The following PHACTR2 variants were observed in gnomAD, a reference collection of about 807,000 sequenced individuals.
PHACTR2 encodes chromosome 6 open reading frame 56.
Under a neutral mutation model 76.0 loss-of-function variants are expected in PHACTR2, and 30 were observed. The observed-to-expected ratio is 0.39, with a 90% CI of 0.30 to 0.54. The LOEUF is 0.54. PHACTR2 is among the 20% of genes least tolerant of loss of function. PHACTR2 has a pLI of 0.61. For synonymous variants in PHACTR2, 292 were observed against 292.5 expected (o/e 1.00, Z 0.02); for missense variants, 696 against 781.1 (o/e 0.89, Z 1.30).
chr6:143,632,939 TC>T (rs1347602253), intron 1 of PHACTR2, among the ~76,000 whole-genome samples: 1 of 152,216 alleles, frequency 6.6e-6, no homozygotes, highest in East Asian at 1.9e-4. Context: ...TCTTGATAGC[TC>T]ATTTCTTTTT....
intron 1 of PHACTR2, among the ~76,000 whole-genome samples, chr6:143,593,378 A>G (rs1335071057): frequency 6.6e-6 from 1 of 152,166 alleles, no homozygotes; most frequent in Admixed American, 6.5e-5. Flanking sequence ...TACTTTCTAG[A>G]AAAAAGGTAT....
rs1776200316 is a variant in PHACTR2 at position 143,623,636 on chromosome 6, C to T, written c.13+15314C>T. On this transcript the variant is annotated intron_variant, in intron 1 of 11. Coordinates refer to the PHACTR2 transcript ENST00000305766. This position sits in a 1 kb window ranked among gnomAD's most constrained non-coding sequence, Gnocchi z 5.9. ...AATGAGAGAGAAATAATTCTGAACT[C>T]TTGTTGAAAATCAGTTCATGGGAGT... 6.6e-6 allele frequency among the ~76,000 whole-genome samples: 1 copy of T among 152,068 alleles called. No homozygotes were observed. Among genetic ancestry groups the T allele is most frequent in the Admixed American group, 6.5e-5 (1 of 15,268 alleles).
intron 1 of PHACTR2, among the ~76,000 whole-genome samples, chr6:143,636,069 G>A (rs115474112): frequency 0.011 from 1,685 of 152,202 alleles, 24 homozygotes; most frequent in African/African-American, 0.038. Context: ...TAAAAAATTA[G>A]CCAGGCATGG....
chr6:143,670,663 A>T (rs1777137707), intron 1 of PHACTR2, among the ~76,000 whole-genome samples: 1 of 151,716 alleles, frequency 6.6e-6, no homozygotes, highest in Admixed American at 6.6e-5. Context: ...TATCTTCATG[A>T]AGTTCTTGTG....
intron 11 of PHACTR2, among the ~76,000 whole-genome samples, chr6:143,796,680 G>A (rs1775834785): frequency 6.6e-6 from 1 of 151,898 alleles, no homozygotes; most frequent in Non-Finnish European, 1.5e-5. Flanking sequence ...CTGATCTTGT[G>A]ATAGTTTGCT....
Position 143,659,488 on chromosome 6 carries a change from A to G in PHACTR2, c.13+51166A>G, listed in dbSNP as rs1776909597. 6.6e-6 allele frequency among the ~76,000 whole-genome samples: 1 copy of G among 152,194 alleles called. No homozygotes were observed. ...GCATGTGGTCACTGGGCAGCACGCC[A>G]TTCCTTGCAGAATGCCAGACTGAGG... is the stretch of plus-strand genomic sequence containing the variant. On this transcript the variant is annotated intron_variant, in intron 1 of 11. Coordinates refer to the PHACTR2 transcript ENST00000305766. The surrounding 1 kb of genome is among the most constrained non-coding windows in gnomAD (Gnocchi z 5.0).
In PHACTR2 at chr6:143,678,951, A is replaced by C; in HGVS notation, c.46+742A>C. Among the ~76,000 whole-genome samples, 1 of 152,140 alleles carries C rather than the reference A, an allele frequency of 6.6e-6. No homozygotes were observed. On this transcript the variant is annotated intron_variant, in intron 1 of 12. Coordinates refer to ENST00000440869, the MANE Select transcript of PHACTR2 (RefSeq NM_001100164.2). The surrounding 1 kb of genome is among the most constrained non-coding windows in gnomAD (Gnocchi z 6.2). Reference sequence around the variant, plus strand: ...CCGACAGTGTAGGGATAAAAAAAAAAAAAACTGTTTGGTGGTGTTACTTGT... The same window carrying C: ...CCGACAGTGTAGGGATAAAAAAAAACAAAACTGTTTGGTGGTGTTACTTGT...
chr6:143,725,852 G>T (rs1309520225), intron 2 of PHACTR2, among the ~76,000 whole-genome samples: 1 of 151,590 alleles, frequency 6.6e-6, no homozygotes, highest in East Asian at 1.9e-4. Context: ...TCATATAAAT[G>T]GAATCATTCA....
At chr6:143,567,551 G>A (rs538845571) in intron 1 of PHACTR2, among the ~76,000 whole-genome samples, 11 of 152,214 alleles carry the variant, frequency 7.2e-5, no homozygotes, top group African/African-American at 1.7e-4. Flanking sequence ...GGCACACGCC[G>A]CCGCGCCTGG....
intron 1 of PHACTR2, among the ~76,000 whole-genome samples, chr6:143,701,088 C>T (rs7740709): frequency 0.25 from 37,807 of 152,064 alleles, 4,712 homozygotes; most frequent in East Asian, 0.34. Context: ...CAAATAAGAG[C>T]GACTTTATTT....
At chr6:143,660,382 C>A (rs1776928090) in intron 1 of PHACTR2, among the ~76,000 whole-genome samples, 1 of 152,032 alleles carries the variant, frequency 6.6e-6, no homozygotes. Context: ...TGCAGGGAAA[C>A]TCCCATTTTT....
At chr6:143,694,171 GGGAA>G (rs1777718354) in intron 1 of PHACTR2, among the ~76,000 whole-genome samples, 1 of 148,446 alleles carries the variant, frequency 6.7e-6, no homozygotes, top group African/African-American at 2.5e-5. Context: ...GGAGTGGGGA[GGGAA>G]GGAAGGAGGG....
At position 143,589,843 on chromosome 6, in the gene PHACTR2, C is replaced by T. The variant is rs977476352; in HGVS notation, c.217+52636C>T. ...AACTATTTCATATTATAGAAGATGA[C>T]GATACACATCCCAGCTCATTCTAGA... is the stretch of plus-strand genomic sequence containing the variant. On this transcript the variant is annotated intron_variant, in intron 1 of 11. Transcript: ENST00000367584. The surrounding 1 kb of genome is among the most constrained non-coding windows in gnomAD (Gnocchi z 4.4). 2.6e-5 allele frequency among the ~76,000 whole-genome samples: 4 copies of T among 152,134 alleles called. No individual in the cohort carries two copies. The highest frequency in any genetic ancestry group is 6.6e-5 in the Admixed American group (1 of 15,266).
Position 143,549,270 on chromosome 6 carries a change from T to C in PHACTR2, c.217+12063T>C, listed in dbSNP as rs1017260714. Reference sequence around the variant, plus strand: ...AGGTCTCTTCCCAAATGGAACAATATGGTAGTGAGGCCAGTTCAAACCCTT... The same window carrying C: ...AGGTCTCTTCCCAAATGGAACAATACGGTAGTGAGGCCAGTTCAAACCCTT... On this transcript the variant is annotated intron_variant, in intron 1 of 11. Transcript: ENST00000367584. The surrounding 1 kb of genome is among the most constrained non-coding windows in gnomAD (Gnocchi z 4.2). 6.6e-6 allele frequency among the ~76,000 whole-genome samples: 1 copy of C among 151,942 alleles called. No homozygotes were observed. The highest frequency in any genetic ancestry group is 1.5e-5 in the Non-Finnish European group (1 of 67,950).
intron 2 of PHACTR2, among the ~76,000 whole-genome samples, chr6:143,719,065 T>C (rs1360583241): frequency 6.6e-6 from 1 of 151,880 alleles, no homozygotes; most frequent in Non-Finnish European, 1.5e-5. Flanking sequence ...GTATTTTTAA[T>C]AGAGACAGGG....
rs1775768041 is a variant in PHACTR2 at position 143,597,544 on chromosome 6, T to G, written c.217+60337T>G. Among the ~76,000 whole-genome samples the G allele has an allele frequency of 6.6e-6, 1 of 152,222 alleles. No individual in the cohort carries two copies. Among genetic ancestry groups the G allele is most frequent in the Non-Finnish European group, 1.5e-5 (1 of 68,042 alleles). ...ATATGTCATCTTTGCAGAGTTCAGT[T>G]GTAATTTGTCCTGGACTCTTGGATT... On this transcript the variant is annotated intron_variant, in intron 1 of 11. Coordinates refer to the PHACTR2 transcript ENST00000367584. This position sits in a 1 kb window ranked among gnomAD's most constrained non-coding sequence, Gnocchi z 5.7.
chr6:143,555,407 C>T (rs954627347), intron 1 of PHACTR2, among the ~76,000 whole-genome samples: 2 of 152,136 alleles, frequency 1.3e-5, no homozygotes, highest in East Asian at 1.9e-4. Context: ...AGCCAAAAAC[C>T]TTATCACTTT....
chr6:143,817,998 G>T (rs1776336422), intron 12 of PHACTR2, among the ~76,000 whole-genome samples: 1 of 152,110 alleles, frequency 6.6e-6, no homozygotes, highest in Non-Finnish European at 1.5e-5. Flanking sequence ...AATTTTGAAT[G>T]TTCCTGACAC....
chr6:143,609,085 C>G (rs1775935216), intron 1 of PHACTR2, among the ~76,000 whole-genome samples: 2 of 152,132 alleles, frequency 1.3e-5, no homozygotes, highest in African/African-American at 4.8e-5. Context: ...TTATCTGTCT[C>G]CTGAAGCTCA....
Sources: allele counts gnomAD v4.1 joint callset (sites outside exome capture counted in the v4.1 genomes callset), GRCh38; gene constraint gnomAD v4.1.1; non-coding constraint Gnocchi (gnomAD v3.1); transcripts MANE v1.5; gene names NCBI Gene and HGNC (gene_info 2026-07-23, HGNC 2026-07-21).